CFAP300: variants seen among roughly 807,000 people sequenced by gnomAD.
CFAP300 encodes the protein cilia- and flagella-associated protein 300.
CFAP300 carries 32 observed loss-of-function variants against 33.0 expected under a neutral mutation model. The ratio of observed to expected loss-of-function variants is 0.97; its 90% CI spans 0.73 to 1.30. The LOEUF is 1.30. CFAP300 is among the 50% of genes most tolerant of loss of function. CFAP300 has a pLI of 0.00. For missense variants in CFAP300, 356 were observed against 318.1 expected (o/e 1.12, Z -0.90); for synonymous variants, 102 against 106.8 (o/e 0.95, Z 0.28).
chr11:102,073,762 G>A (rs1332178534), intron 4 of CFAP300, among the ~76,000 whole-genome samples: 3 of 152,046 alleles, frequency 2.0e-5, no homozygotes, highest in African/African-American at 7.2e-5. Context: ...GCAACAGTAG[G>A]GAGAGCCAGT....
Position 102,047,870 on chromosome 11 carries a change from T to A in CFAP300, c.166T>A (p.Ser56Thr). The change falls in exon 2 of 7, where the codon TCC becomes ACC. Residue 56 changes from serine (S) to threonine (T), a missense_variant. Physicochemically the swap from Ser to Thr is moderately conservative, Grantham distance 58 (BLOSUM62 1). Transcript: ENST00000434758. ...GTTCGGCTTTGACCAGACCTTTCAG[T>A]CCTATCGGAAGGATGATTTCGTTAT... Reference protein sequence around the residue: ...QAFGFDQTFQSYRKDDFVMAF... With the variant: ...QAFGFDQTFQTYRKDDFVMAF... 1 of 1,614,154 alleles carries A rather than the reference T, an allele frequency of 6.2e-7. No individual in the cohort carries two copies. Among genetic ancestry groups the A allele is most frequent in the Non-Finnish European group, 8.5e-7 (1 of 1,180,022 alleles).
At chr11:102,073,290 C>A (rs910562059) in intron 4 of CFAP300, among the ~76,000 whole-genome samples, 3 of 152,172 alleles carry the variant, frequency 2.0e-5, no homozygotes, top group African/African-American at 7.2e-5. Context: ...GCAGGCCAAT[C>A]CCCAGGCCCC....
At chr11:102,080,542 C>T (rs971395927) in intron 5 of CFAP300, among the ~76,000 whole-genome samples, 1 of 151,908 alleles carries the variant, frequency 6.6e-6, no homozygotes, top group Non-Finnish European at 1.5e-5. Context: ...CTCAGCCTCC[C>T]GAGTACCTGG....
intron 3 of CFAP300, among the ~76,000 whole-genome samples, chr11:102,062,775 T>C (rs1254920585): frequency 4.6e-5 from 7 of 152,196 alleles, no homozygotes; most frequent in East Asian, 3.8e-4. Flanking sequence ...TTCAGAACAC[T>C]GAACAGCCAT....
intron 2 of CFAP300, among the ~76,000 whole-genome samples, chr11:102,052,487 A>G (rs1189392103): frequency 6.6e-6 from 1 of 152,234 alleles, no homozygotes; most frequent in Non-Finnish European, 1.5e-5. Flanking sequence ...TTGTCTTTTT[A>G]TAATTAAGCA....
intron 5 of CFAP300, among the ~76,000 whole-genome samples, chr11:102,077,810 G>C (rs1942418507): frequency 6.6e-6 from 1 of 152,164 alleles, no homozygotes; most frequent in Non-Finnish European, 1.5e-5. Flanking sequence ...CCTGACCTCG[G>C]GTGATCTGCC....
At chr11:102,052,483 T>C (rs1443807309) in intron 2 of CFAP300, among the ~76,000 whole-genome samples, 2 of 152,230 alleles carry the variant, frequency 1.3e-5, no homozygotes, top group Admixed American at 6.5e-5. Flanking sequence ...AAATTTGTCT[T>C]TTTATAATTA....
intron 3 of CFAP300, among the ~76,000 whole-genome samples, chr11:102,066,175 A>C (rs898246415): frequency 1.3e-5 from 2 of 152,054 alleles, no homozygotes; most frequent in African/African-American, 4.8e-5. Context: ...AGGTTTCGCC[A>C]TATTGGCCAG....
chr11:102,060,397 G>A (rs1942132307), intron 3 of CFAP300, among the ~76,000 whole-genome samples: 3 of 151,888 alleles, frequency 2.0e-5, no homozygotes, highest in African/African-American at 7.2e-5. Context: ...GATTATGGGT[G>A]TGAGCCACCG....
At position 102,081,236 on chromosome 11, in the gene CFAP300, C is replaced by G; in HGVS notation, c.630C>G (p.Thr210=). ...TTAGTGTTCGAAAGAATCCTCAAAC[C>G]AAGAAAATACAGATTACCTCTTCTG... ...DLVSVRKNPQ[T]KKIQITSSVF... Residue 210 remains threonine, a synonymous_variant, in exon 6 of 7, where the codon ACC becomes ACG. Coordinates refer to ENST00000434758, the MANE Select transcript of CFAP300 (RefSeq NM_032930.3). The G allele has an allele frequency of 6.2e-7, 1 of 1,609,826 alleles. No homozygotes were observed. Among genetic ancestry groups the G allele is most frequent in the Non-Finnish European group, 8.5e-7 (1 of 1,179,170 alleles).
chr11:102,076,216 A>G lies in CFAP300; in HGVS notation c.608+171A>G, dbSNP rs112363908. 1.7e-5 allele frequency: 10 copies of G among 574,360 alleles called. No individual in the cohort carries two copies. In the East Asian group the frequency reaches 3.5e-4, roughly 20 times the overall value. 35.6% of individuals were successfully genotyped at this position (574,360 alleles called of 1,614,324 possible). A position where few individuals can be genotyped will look rare whatever the true frequency, so the allele number is the denominator to read the frequency against. ...ACCTTCCCCCTCTCTTCCAGAATAG[A>G]AAGATTTCTGGATTTCTCTCTCATT... On this transcript the variant is annotated intron_variant, in intron 5 of 6. Coordinates refer to ENST00000434758, the MANE Select transcript of CFAP300 (RefSeq NM_032930.3).
rs1291566311 is a variant in CFAP300 at position 102,047,871 on chromosome 11, C to G, written c.167C>G (p.Ser56Cys). 6.2e-7 allele frequency: 1 copy of G among 1,614,072 alleles called. No homozygotes were observed. The highest frequency in any genetic ancestry group is 8.5e-7 in the Non-Finnish European group (1 of 1,180,044). Residue 56 changes from serine to cysteine, a missense_variant, in exon 2 of 7, where the codon TCC becomes TGC. Coordinates refer to ENST00000434758, the MANE Select transcript of CFAP300 (RefSeq NM_032930.3). ...TTCGGCTTTGACCAGACCTTTCAGT[C>G]CTATCGGAAGGATGATTTCGTTATG... Reference protein sequence around the residue: ...QAFGFDQTFQSYRKDDFVMAF... With the variant: ...QAFGFDQTFQCYRKDDFVMAF...
intron 6 of CFAP300, among the ~76,000 whole-genome samples, chr11:102,081,773 T>A (rs1942477297): frequency 6.6e-6 from 1 of 151,588 alleles, no homozygotes; most frequent in East Asian, 1.9e-4. Flanking sequence ...GCGCCTGTAG[T>A]CCCAGCTTTG....
At chr11:102,081,611 T>C (rs908491574) in intron 6 of CFAP300, among the ~76,000 whole-genome samples, 1 of 152,096 alleles carries the variant, frequency 6.6e-6, no homozygotes, top group Non-Finnish European at 1.5e-5. Flanking sequence ...ATGCCACAAA[T>C]GTCGCCGGGC....
At chr11:102,055,216 C>A (rs183514455) in intron 2 of CFAP300, among the ~76,000 whole-genome samples, 1 of 152,084 alleles carries the variant, frequency 6.6e-6, no homozygotes, top group Admixed American at 6.5e-5. Context: ...CCTGACCTCG[C>A]GATCTGCCTG....
chr11:102,082,021 C>T (rs1942481120), intron 6 of CFAP300, among the ~76,000 whole-genome samples: 1 of 151,692 alleles, frequency 6.6e-6, no homozygotes, highest in Admixed American at 6.6e-5. Flanking sequence ...AATCACTTAA[C>T]AAGTATTTAT....
At chr11:102,051,569 A>G (rs1192362496) in intron 2 of CFAP300, among the ~76,000 whole-genome samples, 1 of 152,248 alleles carries the variant, frequency 6.6e-6, no homozygotes, top group African/African-American at 2.4e-5. Flanking sequence ...TCAGTCTGCC[A>G]GATAGATAAT....
At chr11:102,061,948 T>A (rs1405390847) in intron 3 of CFAP300, among the ~76,000 whole-genome samples, 2 of 152,204 alleles carry the variant, frequency 1.3e-5, no homozygotes, top group African/African-American at 4.8e-5. Flanking sequence ...AAAAATAGCA[T>A]GTGTTATGGA....
At chr11:102,049,215 A>G (rs987044143) in intron 2 of CFAP300, among the ~76,000 whole-genome samples, 2 of 152,284 alleles carry the variant, frequency 1.3e-5, no homozygotes, top group Non-Finnish European at 1.5e-5. Context: ...GGGAGAATCC[A>G]TCCTTGCCTC....
Sources: gnomAD v4.1 joint callset for allele counts (sites outside exome capture counted in the v4.1 genomes callset) on GRCh38, gnomAD v4.1.1 for gene constraint, MANE v1.5 for transcripts, NCBI Gene and HGNC (gene_info 2026-07-23, HGNC 2026-07-21) for gene names.